PRH1: variants seen among roughly 807,000 people sequenced by gnomAD.
PRH1 encodes salivary acidic proline-rich phosphoprotein 1/2.
PRH1 carries 7 observed loss-of-function variants against 7.9 expected under a neutral mutation model. The ratio of observed to expected loss-of-function variants is 0.89; its 90% CI spans 0.50 to 1.67. The LOEUF is 1.67. Among genes scored for constraint, PRH1 ranks in the 40% most tolerant of loss-of-function variants. PRH1 has a pLI of 0.00. For synonymous variants in PRH1, 45 were observed against 80.8 expected, an observed-to-expected ratio of 0.56 and a Z score of 2.38; for missense variants, 109 against 223.6, an observed-to-expected ratio of 0.49 and a Z score of 3.27.
chr12:11,108,478 C>T (rs1945494762), intron 1 of PRH1, among the ~76,000 whole-genome samples: 1 of 152,124 alleles, frequency 6.6e-6, no homozygotes, highest in Non-Finnish European at 1.5e-5. Context: ...TGGCTCATCT[C>T]ACTGGGACTG....
chr12:11,108,383 T>A (rs1183607398), intron 1 of PRH1, among the ~76,000 whole-genome samples: 1 of 152,112 alleles, frequency 6.6e-6, no homozygotes, highest in Non-Finnish European at 1.5e-5. Context: ...TGGCAAAATG[T>A]CCTAATAGGA....
chr12:10,964,066 TAAC>T (rs1238710045), intron 2 of PRH1, among the ~76,000 whole-genome samples: 1 of 152,200 alleles, frequency 6.6e-6, no homozygotes, highest in Non-Finnish European at 1.5e-5. Flanking sequence ...TGTAAGTTCT[TAAC>T]AATTATAAAT....
At chr12:11,168,859 A>G (rs1341479778) in intron 1 of PRH1, among the ~76,000 whole-genome samples, 1 of 152,218 alleles carries the variant, frequency 6.6e-6, no homozygotes. Flanking sequence ...TTAATTCTAC[A>G]CTTTATCCAA....
chr12:10,956,184 C>T (rs1937946522), intron 2 of PRH1, among the ~76,000 whole-genome samples: 1 of 151,978 alleles, frequency 6.6e-6, no homozygotes, highest in South Asian at 2.1e-4. Context: ...CACAAAATGC[C>T]AGCAAGTTGA....
In PRH1 at chr12:11,033,419, C is replaced by T. The variant is rs183777522; in HGVS notation, c.-126+13601G>A. On this transcript the variant is annotated intron_variant, in intron 1 of 3. Transcript: ENST00000539853. ...AACAAAACAAAAAACCAACATCAAA[C>T]GACATGTGAGATATAAATATCTAAT... Among the ~76,000 whole-genome samples the T allele has an allele frequency of 6.6e-5, 10 of 150,690 alleles. No homozygotes were observed. In the East Asian group the frequency reaches 1.5e-3, roughly 23 times the overall value.
chr12:10,999,898 G>A (rs1441309863), intron 1 of PRH1, among the ~76,000 whole-genome samples: 1 of 152,012 alleles, frequency 6.6e-6, no homozygotes, highest in African/African-American at 2.4e-5. Flanking sequence ...ATGTACATGT[G>A]ATTCATTTCT....
intron 2 of PRH1, among the ~76,000 whole-genome samples, chr12:10,922,279 T>C (rs1387467668): frequency 6.6e-6 from 1 of 152,220 alleles, no homozygotes; most frequent in Non-Finnish European, 1.5e-5. Flanking sequence ...CTCATTCATC[T>C]GGAAAACTTT....
intron 1 of PRH1, among the ~76,000 whole-genome samples, chr12:11,060,392 TAAGG>T (rs1256038750): frequency 8.0e-6 from 1 of 124,324 alleles, no homozygotes; most frequent in Non-Finnish European, 1.9e-5. Flanking sequence ...TTTTTTAGAA[TAAGG>T]AAGATTTGGG....
chr12:10,925,212 G>A (rs577233792), intron 2 of PRH1, among the ~76,000 whole-genome samples: 8 of 152,092 alleles, frequency 5.3e-5, no homozygotes, highest in Admixed American at 4.6e-4. Flanking sequence ...AATTTTCTTG[G>A]TCATGAGACC....
At chr12:10,964,725 G>A (rs1384896510) in intron 2 of PRH1, 4 of 657,968 alleles carry the variant, frequency 6.1e-6, no homozygotes, top group Admixed American at 5.9e-5. Flanking sequence ...CCATGGAACT[G>A]CATCTTCTTG....
intron 1 of PRH1, among the ~76,000 whole-genome samples, chr12:11,002,859 TTGAA>T (rs1940658295): frequency 6.6e-6 from 1 of 152,058 alleles, no homozygotes; most frequent in Non-Finnish European, 1.5e-5. Flanking sequence ...ATTGTGATCT[TTGAA>T]TGGGAACAAC....
chr12:10,950,402 C>T (rs1353932373), intron 2 of PRH1, among the ~76,000 whole-genome samples: 1 of 151,936 alleles, frequency 6.6e-6, no homozygotes, highest in African/African-American at 2.4e-5. Context: ...AATTTTTGCA[C>T]TTTTATATTT....
intron 2 of PRH1, among the ~76,000 whole-genome samples, chr12:10,939,615 T>C (rs938305995): frequency 5.3e-5 from 8 of 150,804 alleles, no homozygotes; most frequent in African/African-American, 1.5e-4. Flanking sequence ...TCTGGGGAAG[T>C]ATCATTACAA....
chr12:10,993,742 T>C (rs912647839), intron 1 of PRH1, among the ~76,000 whole-genome samples: 5 of 149,684 alleles, frequency 3.3e-5, no homozygotes, highest in African/African-American at 1.2e-4. Flanking sequence ...AAAATGCCTC[T>C]AGCAAATGTA....
intron 1 of PRH1, among the ~76,000 whole-genome samples, chr12:11,105,054 C>A (rs1945370160): frequency 6.6e-6 from 1 of 151,848 alleles, no homozygotes; most frequent in South Asian, 2.1e-4. Context: ...TTCAAATACT[C>A]TTGTTATAAG....
chr12:11,042,486 T>TAAA (rs140733298), intron 1 of PRH1, among the ~76,000 whole-genome samples: 2,328 of 94,860 alleles, frequency 0.025, 52 homozygotes, highest in Middle Eastern at 0.062. Context: ...TCTCCCAGTT[T>TAAA]AAAAAAAAAA....
intron 1 of PRH1, among the ~76,000 whole-genome samples, chr12:11,143,474 A>G (rs1946766487): frequency 6.6e-6 from 1 of 152,224 alleles, no homozygotes. Context: ...ACATAACCAG[A>G]AAACAGATAA....
At chr12:11,079,882 G>C (rs1308404914) in intron 1 of PRH1, among the ~76,000 whole-genome samples, 1 of 117,032 alleles carries the variant, frequency 8.5e-6, no homozygotes, top group African/African-American at 2.9e-5. Flanking sequence ...ATAATGAGCA[G>C]AGTAATAATA....
intron 1 of PRH1, among the ~76,000 whole-genome samples, chr12:11,033,178 C>G (rs1942299217): frequency 6.6e-6 from 1 of 152,086 alleles, no homozygotes; most frequent in Non-Finnish European, 1.5e-5. Context: ...ACCATCCTGG[C>G]CAACATGGTG....
Sources: allele counts gnomAD v4.1 joint callset (sites outside exome capture counted in the v4.1 genomes callset), GRCh38; gene constraint gnomAD v4.1.1; transcripts MANE v1.5; gene names NCBI Gene and HGNC (gene_info 2026-07-23, HGNC 2026-07-21).